PDE1C: variants seen among roughly 807,000 people sequenced by gnomAD.
PDE1C encodes phosphodiesterase 1C.
PDE1C carries 62 observed loss-of-function variants against 93.1 expected under a neutral mutation model. The ratio of observed to expected loss-of-function variants is 0.67; its 90% CI spans 0.54 to 0.82. The LOEUF is 0.82. PDE1C is among the 40% of genes least tolerant of loss of function. PDE1C has a pLI of 0.00. For missense variants in PDE1C, 742 were observed against 884.6 expected (o/e 0.84, Z 2.04); for synonymous variants, 325 against 310.1 (o/e 1.05, Z -0.50).
intron 2 of PDE1C, among the ~76,000 whole-genome samples, chr7:31,951,565 C>G (rs1807384651): frequency 6.6e-6 from 1 of 152,218 alleles, no homozygotes; most frequent in African/African-American, 2.4e-5. Flanking sequence ...AGTACAATTG[C>G]CAGGTTAACT....
At chr7:32,099,406 T>C (rs1252145827) in intron 3 of PDE1C, among the ~76,000 whole-genome samples, 1 of 152,224 alleles carries the variant, frequency 6.6e-6, no homozygotes, top group Non-Finnish European at 1.5e-5. Flanking sequence ...CAAAGCACTG[T>C]CTTCACCTAT....
At chr7:32,398,797 G>A (rs73305832) in intron 1 of PDE1C, among the ~76,000 whole-genome samples, 5 of 151,706 alleles carry the variant, frequency 3.3e-5, no homozygotes, top group African/African-American at 9.7e-5. Context: ...TCCATTCTTC[G>A]GCACATTCTC....
At chr7:32,002,947 T>C (rs1394214761) in intron 2 of PDE1C, among the ~76,000 whole-genome samples, 1 of 152,232 alleles carries the variant, frequency 6.6e-6, no homozygotes, top group Non-Finnish European at 1.5e-5. Context: ...TTTTTCTTGA[T>C]ATCCTTTTAG....
At chr7:32,283,247 T>C (rs1196324198) in intron 1 of PDE1C, among the ~76,000 whole-genome samples, 2 of 152,220 alleles carry the variant, frequency 1.3e-5, no homozygotes, top group Non-Finnish European at 2.9e-5. Flanking sequence ...ACATTAATTA[T>C]ACATTGTTAG....
At chr7:32,176,584 T>C (rs1397996324) in intron 2 of PDE1C, among the ~76,000 whole-genome samples, 1 of 152,210 alleles carries the variant, frequency 6.6e-6, no homozygotes, top group Non-Finnish European at 1.5e-5. Flanking sequence ...CCTAACTGTA[T>C]GTGATATTAG....
rs540284405 is a variant in PDE1C at position 32,027,430 on chromosome 7, G to T, written c.128+24124C>A. The stretch of plus-strand genomic sequence containing the variant: ...GCAAACTTAATGGTGTATTGTGTGG[G>T]TTTCTGTTTGTTTGTGCTTATATGT... On this transcript the variant is annotated intron_variant, in intron 2 of 17. Coordinates refer to ENST00000396191, the MANE Select transcript of PDE1C (RefSeq NM_001191057.4). 1.6e-4 allele frequency among the ~76,000 whole-genome samples: 25 copies of T among 151,934 alleles called. No individual in the cohort carries two copies. In the Middle Eastern group the frequency reaches 0.01, roughly 62 times the overall value.
At chr7:32,411,456 G>A (rs1037463719) in intron 1 of PDE1C, among the ~76,000 whole-genome samples, 4 of 152,130 alleles carry the variant, frequency 2.6e-5, no homozygotes, top group African/African-American at 9.7e-5. Flanking sequence ...TGGTATTTGT[G>A]AACTAAACAC....
the PDE1C span, among the ~76,000 whole-genome samples, chr7:31,649,960 G>A: frequency 3.5e-3 from 537 of 152,290 alleles, 2 homozygotes; most frequent in Non-Finnish European, 5.6e-3. Context: ...AAGGGAGGGT[G>A]AAGAGTAGGG....
chr7:31,928,527 C>T (rs1803705220), intron 2 of PDE1C, among the ~76,000 whole-genome samples: 1 of 152,134 alleles, frequency 6.6e-6, no homozygotes, highest in Non-Finnish European at 1.5e-5. Context: ...TAAGGGCAGC[C>T]AGACAGAAAG....
rs141792453 is a variant in PDE1C, at chr7:32,049,915, A to G, written c.128+1639T>C. On this transcript the variant is annotated intron_variant, in intron 2 of 17. Coordinates refer to ENST00000396191, the MANE Select transcript of PDE1C (RefSeq NM_001191057.4). ...AAATGTGTCCTTAGGCAATATTGAC[A>G]TTGTGTGAAAATCATTAAGTGTACT... 2.0e-3 allele frequency among the ~76,000 whole-genome samples: 307 copies of G among 152,354 alleles called. 4 individuals carry two copies. Among genetic ancestry groups the G allele is most frequent in the African/African-American group, 7.1e-3 (296 of 41,580 alleles).
intron 16 of PDE1C, among the ~76,000 whole-genome samples, chr7:31,807,838 A>G (rs1455090734): frequency 3.3e-5 from 5 of 151,620 alleles, no homozygotes; most frequent in Non-Finnish European, 7.4e-5. Flanking sequence ...TCTAAATTCT[A>G]TTTTGTTCTG....
chr7:31,642,066 GGGCATTTCTGCA>G, the PDE1C span: 1 of 584,652 alleles, frequency 1.7e-6, no homozygotes, highest in Non-Finnish European at 2.9e-6. Context: ...TCCACACAGT[GGGCATTTCTGCA>G]GGATCCATGG....
chr7:31,617,355 T>C, the PDE1C span, among the ~76,000 whole-genome samples: 1 of 152,206 alleles, frequency 6.6e-6, no homozygotes, highest in Non-Finnish European at 1.5e-5. Flanking sequence ...AATTTTAGAT[T>C]GCCAAAGGTA....
intron 2 of PDE1C, among the ~76,000 whole-genome samples, chr7:31,939,253 G>A (rs1805506747): frequency 6.6e-6 from 1 of 152,098 alleles, no homozygotes; most frequent in Non-Finnish European, 1.5e-5. Context: ...AGGAGAAGGA[G>A]GAGAAAGAGG....
chr7:31,788,327 A>C (rs762786054), intron 16 of PDE1C: 8 of 152,202 alleles, frequency 5.3e-5, no homozygotes, highest in Non-Finnish European at 1.0e-4. Context: ...ACCACCTCTA[A>C]GAACATAGCT....
chr7:31,724,876 A>G, the PDE1C span, among the ~76,000 whole-genome samples: 42 of 152,140 alleles, frequency 2.8e-4, no homozygotes, highest in South Asian at 1.5e-3. Context: ...TGAAAGTCTT[A>G]TATCGGTGAA....
At chr7:31,762,034 C>G (rs1258576285) in intron 17 of PDE1C, among the ~76,000 whole-genome samples, 1 of 152,194 alleles carries the variant, frequency 6.6e-6, no homozygotes, top group Non-Finnish European at 1.5e-5. Flanking sequence ...AATTTCCATC[C>G]CTTTCCTCAG....
intron 17 of PDE1C, among the ~76,000 whole-genome samples, chr7:31,758,622 G>A (rs543423136): frequency 2.0e-5 from 3 of 152,246 alleles, no homozygotes; most frequent in Non-Finnish European, 2.9e-5. Context: ...ATATCCTAAC[G>A]TGAAGTAAAG....
At chr7:32,215,358 C>T (rs945523436) in intron 1 of PDE1C, among the ~76,000 whole-genome samples, 1 of 152,088 alleles carries the variant, frequency 6.6e-6, no homozygotes, top group Admixed American at 6.6e-5. Context: ...AAATGTCTTC[C>T]ATGAAACCGG....
Sources: gnomAD v4.1 joint callset for allele counts (sites outside exome capture counted in the v4.1 genomes callset) on GRCh38, gnomAD v4.1.1 for gene constraint, MANE v1.5 for transcripts, NCBI Gene and HGNC (gene_info 2026-07-23, HGNC 2026-07-21) for gene names.